Variants in SGCZ observed in about 807,000 individuals in gnomAD.
SGCZ encodes zeta-sarcoglycan.
Under a neutral mutation model 41.3 loss-of-function variants are expected in SGCZ, and 40 were observed. That is an observed-to-expected ratio of 0.97 (90% confidence interval 0.75 to 1.26). The LOEUF (loss-of-function observed/expected upper bound fraction) is 1.26, where lower values mean the gene tolerates loss of function less well. Ranked by LOEUF, SGCZ falls within the 50% of genes most tolerant of loss-of-function variation. The pLI, the probability that SGCZ is intolerant of heterozygous loss-of-function variation, is 0.00. For synonymous variants in SGCZ, 206 were observed against 137.5 expected (o/e 1.50, Z -3.49); for missense variants, 552 against 369.8 (o/e 1.49, Z -4.04).
At chr8:15,062,584 C>T (rs555444537) in intron 1 of SGCZ, among the ~76,000 whole-genome samples, 1 of 152,114 alleles carries the variant, frequency 6.6e-6, no homozygotes, top group African/African-American at 2.4e-5. Context: ...GAAAATCAGC[C>T]CATCTGAATA....
intron 1 of SGCZ, among the ~76,000 whole-genome samples, chr8:14,907,699 A>T (rs1388586081): frequency 1.3e-5 from 2 of 152,134 alleles, no homozygotes; most frequent in African/African-American, 4.8e-5. Flanking sequence ...AAGAATAAAA[A>T]TTGAGTGCGT....
At chr8:14,973,744 T>C (rs558831649) in intron 1 of SGCZ, among the ~76,000 whole-genome samples, 1 of 152,328 alleles carries the variant, frequency 6.6e-6, no homozygotes, top group South Asian at 2.1e-4. Flanking sequence ...ATAAAGGGTA[T>C]TTTTATCTGA....
intron 1 of SGCZ, among the ~76,000 whole-genome samples, chr8:15,178,953 G>C (rs1194820488): frequency 6.6e-6 from 1 of 152,152 alleles, no homozygotes; most frequent in East Asian, 1.9e-4. Context: ...TAGAAAATAT[G>C]ATAAACAATT....
intron 4 of SGCZ, among the ~76,000 whole-genome samples, chr8:14,170,457 CA>C (rs1348973354): frequency 6.6e-6 from 1 of 152,014 alleles, no homozygotes. Context: ...GACTACCTAG[CA>C]AGCCATTTAA....
At chr8:14,130,072 T>C (rs1802991561) in intron 5 of SGCZ, among the ~76,000 whole-genome samples, 1 of 152,286 alleles carries the variant, frequency 6.6e-6, no homozygotes, top group East Asian at 1.9e-4. Context: ...TTTCTGATTA[T>C]AAAACTTAAC....
chr8:14,624,014 C>A (rs967397806), intron 1 of SGCZ, among the ~76,000 whole-genome samples: 1 of 152,090 alleles, frequency 6.6e-6, no homozygotes, highest in Non-Finnish European at 1.5e-5. Flanking sequence ...AAAGTCCTAA[C>A]GTAGTTTCTA....
At chr8:14,933,447 T>TC (rs1382637756) in intron 1 of SGCZ, among the ~76,000 whole-genome samples, 5 of 148,916 alleles carry the variant, frequency 3.4e-5, no homozygotes, top group Non-Finnish European at 7.4e-5. Flanking sequence ...TTTTTTTTTT[T>TC]TGGAGACGGA....
At position 14,608,023 on chromosome 8, in the gene SGCZ, G is replaced by T. The variant is rs530212880; in HGVS notation, c.40-53097C>A. 2.6e-5 allele frequency among the ~76,000 whole-genome samples: 4 copies of T among 152,294 alleles called. No homozygotes were observed. The Middle Eastern group carries it at 0.01, about 389-fold the overall frequency. ...GATTACATGATTTTCAGAATGAGAA[G>T]TAAGATTACAATGTCACTGTTAACT... On this transcript the variant is annotated intron_variant, in intron 1 of 7. Transcript: ENST00000382080.
At chr8:15,188,261 G>T (rs765305205) in intron 1 of SGCZ, among the ~76,000 whole-genome samples, 1 of 152,032 alleles carries the variant, frequency 6.6e-6, no homozygotes, top group Non-Finnish European at 1.5e-5. Flanking sequence ...GTGATCAGCA[G>T]ATTACATATC....
chr8:14,384,115 C>T (rs770414349), intron 2 of SGCZ, among the ~76,000 whole-genome samples: 7 of 151,942 alleles, frequency 4.6e-5, no homozygotes, highest in African/African-American at 7.3e-5. Context: ...TCCCTCCCAC[C>T]TCCCGCTACC....
intron 1 of SGCZ, among the ~76,000 whole-genome samples, chr8:14,689,416 A>C (rs1367084493): frequency 6.6e-6 from 1 of 152,204 alleles, no homozygotes; most frequent in African/African-American, 2.4e-5. Context: ...CAAAATACCC[A>C]TAGAAGTAGG....
In SGCZ at chr8:14,566,890, G is replaced by A. The variant is rs1423962105; in HGVS notation, c.40-11964C>T. On this transcript the variant is annotated intron_variant, in intron 1 of 7. Transcript: ENST00000382080. ...GGGCCAGTGCGAGTTCCAGGTGGGC[G>A]GCTGTGGGCTCGGCAGGCCCCACAC... 3.9e-5 allele frequency among the ~76,000 whole-genome samples: 6 copies of A among 152,194 alleles called. No individual in the cohort carries two copies. In the East Asian group the frequency reaches 1.2e-3, roughly 30 times the overall value.
At chr8:14,568,342 A>G (rs1360774605) in intron 1 of SGCZ, among the ~76,000 whole-genome samples, 14 of 151,620 alleles carry the variant, frequency 9.2e-5, no homozygotes. Flanking sequence ...TGGCACATGT[A>G]TACGTATGTA....
intron 1 of SGCZ, among the ~76,000 whole-genome samples, chr8:14,595,577 A>G (rs1805384850): frequency 6.6e-6 from 1 of 152,172 alleles, no homozygotes; most frequent in South Asian, 2.1e-4. Flanking sequence ...AACTCCTACT[A>G]GCAGCTGGCT....
rs367923112 is a variant in SGCZ at position 14,717,560 on chromosome 8, G to A, written c.40-162634C>T. Among the ~76,000 whole-genome samples, 5 of 152,214 alleles carry A rather than the reference G, an allele frequency of 3.3e-5. No homozygotes were observed. The East Asian group carries it at 5.8e-4, about 18-fold the overall frequency. On this transcript the variant is annotated intron_variant, in intron 1 of 7. Transcript: ENST00000382080. ...CATTCTCTCTAGTGATGAGAAAGTCGTCTTGGGGACAGCTTCATGGGTATG... is the reference window on the plus strand; with the variant it reads ...CATTCTCTCTAGTGATGAGAAAGTCATCTTGGGGACAGCTTCATGGGTATG...
intron 3 of SGCZ, among the ~76,000 whole-genome samples, chr8:14,323,330 A>G (rs1257808575): frequency 1.3e-5 from 2 of 151,718 alleles, no homozygotes; most frequent in African/African-American, 2.4e-5. Flanking sequence ...CACATTTATG[A>G]AAAAAGTATA....
intron 4 of SGCZ, among the ~76,000 whole-genome samples, chr8:14,209,023 G>A (rs573665799): frequency 6.6e-5 from 10 of 152,310 alleles, no homozygotes; most frequent in Admixed American, 5.2e-4. Flanking sequence ...GTGCCAATAG[G>A]AAAAGGTTAC....
At chr8:14,137,441 A>G (rs1803234276) in intron 5 of SGCZ, among the ~76,000 whole-genome samples, 1 of 152,212 alleles carries the variant, frequency 6.6e-6, no homozygotes. Flanking sequence ...AAAAAATGTT[A>G]GATGAATGGC....
intron 1 of SGCZ, among the ~76,000 whole-genome samples, chr8:15,216,520 A>T (rs1801409438): frequency 1.3e-5 from 2 of 152,076 alleles, no homozygotes; most frequent in Admixed American, 1.3e-4. Flanking sequence ...GCACCTGGCC[A>T]GCTTATTCTT....
Sources: allele counts gnomAD v4.1 joint callset (sites outside exome capture counted in the v4.1 genomes callset), GRCh38; gene constraint gnomAD v4.1.1; transcripts MANE v1.5; gene names NCBI Gene and HGNC (gene_info 2026-07-23, HGNC 2026-07-21).